The following INSL6 variants were observed in gnomAD, a reference collection of about 807,000 sequenced individuals.
INSL6 encodes insulin-like peptide INSL6.
INSL6 carries 16 observed loss-of-function variants against 9.4 expected under a neutral mutation model. The ratio of observed to expected loss-of-function variants is 1.70; its 90% confidence interval spans 1.15 to 2.59. The LOEUF (loss-of-function observed/expected upper bound fraction) is 2.59. INSL6 is among the 30% of genes most tolerant of loss of function. The pLI is 0.00. For missense variants in INSL6, 391 were observed against 257.3 expected, an observed-to-expected ratio of 1.52 and a Z score of -3.56; for synonymous variants, 154 against 96.9, an observed-to-expected ratio of 1.59 and a Z score of -3.46.
downstream of INSL6, chr9:5,123,262 A>G (rs1252845450): frequency 3.7e-6 from 2 of 545,844 alleles, no homozygotes; most frequent in East Asian, 5.9e-5. Flanking sequence ...CACCACCTTA[A>G]TAACATACAT....
the INSL6 span, chr9:5,111,221 AGC>A: frequency 3.4e-6 from 2 of 582,572 alleles, no homozygotes; most frequent in Non-Finnish European, 6.3e-6. Flanking sequence ...AAGAGCAGCT[AGC>A]GCGGGCCTAT....
the INSL6 span, among the ~76,000 whole-genome samples, chr9:5,038,390 A>G: frequency 6.6e-6 from 1 of 152,300 alleles, no homozygotes; most frequent in East Asian, 1.9e-4. Context: ...CAAAAAATAG[A>G]AAAGGAAGGA....
chr9:5,079,818 CA>C, the INSL6 span, among the ~76,000 whole-genome samples: 65 of 146,844 alleles, frequency 4.4e-4, 1 homozygote, highest in East Asian at 1.8e-3. Flanking sequence ...CACCCTGTCT[CA>C]AAAAAAAAAT....
At chr9:5,154,628 A>G (rs1023359932) in intron 2 of INSL6, among the ~76,000 whole-genome samples, 1 of 152,240 alleles carries the variant, frequency 6.6e-6, no homozygotes, top group Non-Finnish European at 1.5e-5. Flanking sequence ...AATTTACAAG[A>G]AAAAAAGCAA....
Position 5,127,878 on chromosome 9 carries a change from G to A in INSL6, c.*11-3367C>T, listed in dbSNP as rs199991050. 4 of 232,454 alleles carry A rather than the reference G, an allele frequency of 1.7e-5. No homozygotes were observed. In the East Asian group the frequency reaches 2.4e-4, roughly 14 times the overall value. 14.4% of individuals were successfully genotyped at this position (232,454 alleles called of 1,614,324 possible). ...AGAGATTTATTTCCTTTTTAGAGGG[G>A]AAATGAGGTAAATAAGTAAAAAAGT... On this transcript the variant is annotated intron_variant, in intron 3 of 3. Coordinates refer to the INSL6 transcript ENST00000649639.
the INSL6 span, among the ~76,000 whole-genome samples, chr9:5,056,124 G>T: frequency 6.6e-6 from 1 of 151,936 alleles, no homozygotes; most frequent in Non-Finnish European, 1.5e-5. Flanking sequence ...TTTATCAACA[G>T]GGATGTATAT....
At chr9:5,110,673 C>A in the INSL6 span, 1 of 311,000 alleles carries the variant, frequency 3.2e-6, no homozygotes, top group Non-Finnish European at 6.4e-6. Context: ...TGTCATATAC[C>A]AACGCCTGAG....
chr9:5,127,182 T>TAATA (rs2130867784), intron 3 of INSL6: 1 of 236,956 alleles, frequency 4.2e-6, no homozygotes, highest in African/African-American at 2.2e-5. Flanking sequence ...AGTGGATGTA[T>TAATA]AATACCTTGG....
the INSL6 span, chr9:5,081,965 G>A: frequency 5.2e-6 from 5 of 954,640 alleles, no homozygotes; most frequent in Non-Finnish European, 7.9e-6. Flanking sequence ...AGGAGTGCTT[G>A]TAGAAAAAAA....
intron 2 of INSL6, among the ~76,000 whole-genome samples, chr9:5,134,769 A>G (rs1032252711): frequency 6.6e-6 from 1 of 152,220 alleles, no homozygotes; most frequent in Admixed American, 6.5e-5. Context: ...CTATGAAGAA[A>G]CTGCATCAAC....
chr9:5,042,986 G>C, the INSL6 span, among the ~76,000 whole-genome samples: 5 of 152,330 alleles, frequency 3.3e-5, no homozygotes, highest in South Asian at 6.2e-4. Flanking sequence ...CAGAAGCTGA[G>C]GGGGGTGGGC....
chr9:5,069,253 G>C, the INSL6 span: 32 of 1,347,116 alleles, frequency 2.4e-5, no homozygotes, highest in Admixed American at 5.5e-4. Context: ...GTCATGGATT[G>C]TTTATGTGGC....
At chr9:5,152,379 A>T (rs1167703171) in intron 2 of INSL6, among the ~76,000 whole-genome samples, 1 of 152,248 alleles carries the variant, frequency 6.6e-6, no homozygotes, top group Admixed American at 6.5e-5. Flanking sequence ...CAACATATTA[A>T]ATTAGAAATT....
At chr9:5,000,142 T>C in the INSL6 span, among the ~76,000 whole-genome samples, 49 of 152,324 alleles carry the variant, frequency 3.2e-4, no homozygotes, top group African/African-American at 1.1e-3. Context: ...CTTTGTAGTA[T>C]ATATTTTTTC....
chr9:5,087,733 A>C, the INSL6 span, among the ~76,000 whole-genome samples: 3 of 152,228 alleles, frequency 2.0e-5, no homozygotes, highest in Non-Finnish European at 4.4e-5. Context: ...AACCACTGCC[A>C]GACAGCTTCT....
At chr9:5,134,926 G>C (rs1171788600) in intron 2 of INSL6, among the ~76,000 whole-genome samples, 1 of 152,156 alleles carries the variant, frequency 6.6e-6, no homozygotes, top group African/African-American at 2.4e-5. Flanking sequence ...TCAGTGTGCT[G>C]TGTTCAGGAG....
At chr9:5,180,287 CG>C (rs1216516734) in intron 1 of INSL6, among the ~76,000 whole-genome samples, 1 of 152,090 alleles carries the variant, frequency 6.6e-6, no homozygotes, top group Non-Finnish European at 1.5e-5. Flanking sequence ...GATTGTAAAA[CG>C]TGTGTTTGAA....
At chr9:5,086,392 T>C in the INSL6 span, among the ~76,000 whole-genome samples, 3 of 152,358 alleles carry the variant, frequency 2.0e-5, no homozygotes, top group Admixed American at 6.5e-5. Context: ...GGTGCAGATA[T>C]GGGATTCAGA....
the INSL6 span, among the ~76,000 whole-genome samples, chr9:5,033,926 A>G: frequency 2.0e-5 from 3 of 152,232 alleles, no homozygotes; most frequent in Non-Finnish European, 4.4e-5. Context: ...AAATGCTCCA[A>G]TTAAAAGACA....
Sources: allele counts gnomAD v4.1 joint callset (sites outside exome capture counted in the v4.1 genomes callset), GRCh38; gene constraint gnomAD v4.1.1; transcripts MANE v1.5; gene names NCBI Gene and HGNC (gene_info 2026-07-23, HGNC 2026-07-21).